GPM6A: variants seen among roughly 807,000 people sequenced by gnomAD.
The protein encoded by GPM6A is neuronal membrane glycoprotein M6-a.
Under a neutral mutation model 32.1 loss-of-function variants are expected in GPM6A, and 7 were observed. That is an observed-to-expected ratio of 0.22 (90% CI 0.12 to 0.41). GPM6A has a LOEUF of 0.41. GPM6A is among the 10% of genes least tolerant of loss of function. The probability of loss-of-function intolerance (pLI) is 1.00; values close to 1 mark genes in which losing one functional copy is unlikely to be tolerated. For synonymous variants in GPM6A, 130 were observed against 123.4 expected, an observed-to-expected ratio of 1.05 and a Z score of -0.35; for missense variants, 235 against 347.2, an observed-to-expected ratio of 0.68 and a Z score of 2.57.
chr4:175,860,450 A>C (rs1396779695), intron 1 of GPM6A, among the ~76,000 whole-genome samples: 2 of 152,176 alleles, frequency 1.3e-5, no homozygotes, highest in Non-Finnish European at 2.9e-5. Context: ...AACTTAGATA[A>C]AATGGACCAA....
rs531014537 is a variant in GPM6A, at chr4:175,891,109, C to T, written c.-22-78860G>A. On this transcript the variant is annotated intron_variant, in intron 1 of 7. Transcript: ENST00000280187. The stretch of plus-strand genomic sequence containing the variant: ...ATAGGCTTAATATTCTTCTACTTAA[C>T]ATAAGTAATTTTACATCAACATCAG... 7.2e-4 allele frequency among the ~76,000 whole-genome samples: 109 copies of T among 152,196 alleles called. No homozygotes were observed. The South Asian group carries it at 0.021, about 30-fold the overall frequency.
At chr4:175,996,410 A>G (rs984685452) in intron 1 of GPM6A, among the ~76,000 whole-genome samples, 1 of 152,180 alleles carries the variant, frequency 6.6e-6, no homozygotes, top group Non-Finnish European at 1.5e-5. Flanking sequence ...AAGCTCCTAA[A>G]CAGTTCACTA....
chr4:176,001,982 C>T (rs1741497315), intron 1 of GPM6A, among the ~76,000 whole-genome samples: 1 of 152,162 alleles, frequency 6.6e-6, no homozygotes, highest in African/African-American at 2.4e-5. Flanking sequence ...AAATACCGCC[C>T]CCAGCACGGT....
intron 1 of GPM6A, among the ~76,000 whole-genome samples, chr4:175,992,735 G>C (rs541482313): frequency 6.6e-6 from 1 of 152,052 alleles, no homozygotes; most frequent in African/African-American, 2.4e-5. Flanking sequence ...AATACATGAA[G>C]GTATAAATAG....
Position 175,702,132 on chromosome 4 carries a change from G to A in GPM6A, c.38-365C>T, listed in dbSNP as rs78941953. ...CACATGCTTATGGTTTTATTTCAATGGTATTTATTCTTTTGCACTCTGTGT... is the reference window on the plus strand; with the variant it reads ...CACATGCTTATGGTTTTATTTCAATAGTATTTATTCTTTTGCACTCTGTGT... On this transcript the variant is annotated intron_variant, in intron 1 of 6. Transcript: ENST00000393658. 1.4e-3 allele frequency among the ~76,000 whole-genome samples: 216 copies of A among 151,944 alleles called. 4 individuals are homozygous for A. The East Asian group carries it at 0.039, about 27-fold the overall frequency.
At chr4:175,709,584 C>A (rs544501144) in intron 1 of GPM6A, among the ~76,000 whole-genome samples, 2 of 151,734 alleles carry the variant, frequency 1.3e-5, no homozygotes, top group Admixed American at 6.6e-5. Context: ...AAAAATTAGC[C>A]GAGCGTGGTG....
At chr4:175,784,412 C>T (rs906155314) in intron 1 of GPM6A, among the ~76,000 whole-genome samples, 3 of 151,952 alleles carry the variant, frequency 2.0e-5, no homozygotes, top group African/African-American at 7.3e-5. Flanking sequence ...TTAGCAAATC[C>T]AAGTAAAGTC....
At chr4:175,825,882 T>TA (rs1227415479) in intron 1 of GPM6A, among the ~76,000 whole-genome samples, 1 of 151,558 alleles carries the variant, frequency 6.6e-6, no homozygotes, top group African/African-American at 2.4e-5. Flanking sequence ...AACTTTTAGT[T>TA]AAAAAAAAAA....
intron 1 of GPM6A, among the ~76,000 whole-genome samples, chr4:175,888,166 T>G (rs1737521649): frequency 6.6e-6 from 1 of 151,952 alleles, no homozygotes; most frequent in Non-Finnish European, 1.5e-5. Flanking sequence ...AGCTTAAAAT[T>G]AGAAAATCTT....
intron 1 of GPM6A, among the ~76,000 whole-genome samples, chr4:175,853,503 T>A (rs1736323596): frequency 1.4e-5 from 1 of 71,686 alleles, no homozygotes; most frequent in South Asian, 8.1e-4. Flanking sequence ...TCAAACAAGT[T>A]CTTTTTTTTT....
At chr4:175,946,707 G>C (rs578060221) in intron 1 of GPM6A, among the ~76,000 whole-genome samples, 1 of 152,116 alleles carries the variant, frequency 6.6e-6, no homozygotes. Context: ...TGTGGGCAAG[G>C]GCAGGGCAGG....
chr4:175,809,927 TG>T, intron 1 of GPM6A, among the ~76,000 whole-genome samples: 1 of 152,296 alleles, frequency 6.6e-6, no homozygotes, highest in Middle Eastern at 3.4e-3. Context: ...CTTGGTGACA[TG>T]TAACAGGAAA....
intron 1 of GPM6A, among the ~76,000 whole-genome samples, chr4:175,748,848 T>A (rs1050802141): frequency 1.3e-5 from 2 of 152,204 alleles, no homozygotes; most frequent in African/African-American, 4.8e-5. Context: ...TTGTTTAGTG[T>A]AGCCACCTCC....
chr4:175,828,307 C>T (rs545796903), intron 1 of GPM6A, among the ~76,000 whole-genome samples: 3 of 152,216 alleles, frequency 2.0e-5, no homozygotes, highest in South Asian at 4.1e-4. Context: ...TTTGAAAGCA[C>T]GTGAGTTTTT....
At chr4:175,768,638 C>T (rs567277496) in intron 1 of GPM6A, among the ~76,000 whole-genome samples, 2 of 152,002 alleles carry the variant, frequency 1.3e-5, no homozygotes, top group African/African-American at 4.8e-5. Flanking sequence ...TCATTTGCTC[C>T]TTATAAGAGT....
intron 1 of GPM6A, among the ~76,000 whole-genome samples, chr4:175,864,495 G>T (rs911928809): frequency 3.9e-5 from 6 of 152,010 alleles, no homozygotes; most frequent in Non-Finnish European, 8.8e-5. Context: ...TTTGAGTAGG[G>T]TTGTTTTTCT....
At chr4:175,831,353 C>T (rs531319911) in intron 1 of GPM6A, among the ~76,000 whole-genome samples, 53 of 152,214 alleles carry the variant, frequency 3.5e-4, no homozygotes, top group African/African-American at 7.2e-4. Context: ...TTGACTTCTT[C>T]GGTACATTTT....
chr4:175,694,433 G>A (rs73002145), intron 2 of GPM6A, among the ~76,000 whole-genome samples: 6 of 152,280 alleles, frequency 3.9e-5, no homozygotes, highest in African/African-American at 9.6e-5. Context: ...TAGATGGAAA[G>A]AAGGAACTTA....
At chr4:175,982,472 T>G (rs1437585401) in intron 1 of GPM6A, among the ~76,000 whole-genome samples, 1 of 152,186 alleles carries the variant, frequency 6.6e-6, no homozygotes, top group Non-Finnish European at 1.5e-5. Context: ...ACATGGTGTC[T>G]AATTCTTCCA....
Sources: allele counts gnomAD v4.1 joint callset (sites outside exome capture counted in the v4.1 genomes callset), GRCh38; gene constraint gnomAD v4.1.1; transcripts MANE v1.5; gene names NCBI Gene and HGNC (gene_info 2026-07-23, HGNC 2026-07-21).